LIMD1: variants seen among roughly 807,000 people sequenced by gnomAD.
The protein encoded by LIMD1 is LIM domain containing 1, also known as LIM domain-containing protein 1.
Under a neutral mutation model 58.4 loss-of-function variants are expected in LIMD1, and 23 were observed. The observed-to-expected ratio is 0.39, with a 90% CI of 0.28 to 0.56. The LOEUF (loss-of-function observed/expected upper bound fraction) is 0.56. Among genes scored for constraint, LIMD1 ranks in the 20% least tolerant of loss-of-function variants. The pLI is 0.57. For missense variants in LIMD1, 838 were observed against 855.5 expected (o/e 0.98, Z 0.25); for synonymous variants, 334 against 345.5 (o/e 0.97, Z 0.37).
At chr3:45,648,119 G>A (rs549648162) in intron 2 of LIMD1, among the ~76,000 whole-genome samples, 1 of 151,978 alleles carries the variant, frequency 6.6e-6, no homozygotes, top group Non-Finnish European at 1.5e-5. Flanking sequence ...TAGGGACAGG[G>A]TTTAACTGAT....
intron 2 of LIMD1, among the ~76,000 whole-genome samples, chr3:45,652,553 G>A (rs1701985280): frequency 6.6e-6 from 1 of 152,140 alleles, no homozygotes; most frequent in Non-Finnish European, 1.5e-5. Context: ...GCATTGTTCT[G>A]GGATGCTGTT....
intron 1 of LIMD1, among the ~76,000 whole-genome samples, chr3:45,614,028 C>T (rs1000996590): frequency 6.6e-6 from 1 of 152,144 alleles, no homozygotes; most frequent in Admixed American, 6.5e-5. Context: ...GCTTTCTAAG[C>T]CACCTGTTCT....
At chr3:45,645,852 C>T (rs1701899376) in intron 2 of LIMD1, among the ~76,000 whole-genome samples, 1 of 152,070 alleles carries the variant, frequency 6.6e-6, no homozygotes, top group African/African-American at 2.4e-5. Context: ...CCCTTCCCTC[C>T]TCTCTCCTCC....
At chr3:45,649,537 C>T (rs1008667139) in intron 2 of LIMD1, among the ~76,000 whole-genome samples, 11 of 150,936 alleles carry the variant, frequency 7.3e-5, no homozygotes, top group African/African-American at 2.4e-4. Flanking sequence ...AAAAATTAGC[C>T]GGGCATGGTG....
At chr3:45,663,139 C>G (rs1697465988) in intron 2 of LIMD1, among the ~76,000 whole-genome samples, 1 of 152,246 alleles carries the variant, frequency 6.6e-6, no homozygotes, top group Non-Finnish European at 1.5e-5. Context: ...CTAGCCCTTT[C>G]ATTTTGACTG....
At chr3:45,671,012 T>G (rs1697580357) in intron 4 of LIMD1, among the ~76,000 whole-genome samples, 2 of 152,338 alleles carry the variant, frequency 1.3e-5, no homozygotes, top group South Asian at 4.1e-4. Context: ...TAATCTTACT[T>G]TAGGCACAAT....
At position 45,636,137 on chromosome 3, in the gene LIMD1, C is replaced by G; in HGVS notation, c.1409-13C>G. ...TCCCTCCTGACTCACTGATGTTTCTCTTGTCCTGCAAGGAGCCTGTGTGAA... is the reference window on the plus strand; with the variant it reads ...TCCCTCCTGACTCACTGATGTTTCTGTTGTCCTGCAAGGAGCCTGTGTGAA... On this transcript the variant is annotated splice_polypyrimidine_tract_variant and intron_variant, in intron 1 of 7. Transcript: ENST00000273317. 6.2e-7 allele frequency: 1 copy of G among 1,612,040 alleles called. No homozygotes were observed.
rs117622255 is a variant in LIMD1, at chr3:45,607,287, A to G, written c.1408+11000A>G. On this transcript the variant is annotated intron_variant, in intron 1 of 7. Transcript: ENST00000273317. ...CCTTACAGGGAAACCAGCTGGACAC[A>G]GGGTCTCGGGGTCACACGGGAAGGC... 8.8e-4 allele frequency among the ~76,000 whole-genome samples: 133 copies of G among 151,966 alleles called. 5 individuals are homozygous for G. In the East Asian group the frequency reaches 0.025, roughly 29 times the overall value.
At chr3:45,665,518 A>T in intron 2 of LIMD1, 132 bp from the exon 3 acceptor site, 1 of 675,252 alleles carries the variant, frequency 1.5e-6, no homozygotes, top group Non-Finnish European at 2.6e-6. Flanking sequence ...TAGGAACTGG[A>T]AAGTGTCATT....
At chr3:45,607,953 C>T (rs1398869899) in intron 1 of LIMD1, among the ~76,000 whole-genome samples, 3 of 152,222 alleles carry the variant, frequency 2.0e-5, no homozygotes, top group Non-Finnish European at 2.9e-5. Context: ...TTTGCATCTG[C>T]CAAAATGTCG....
At chr3:45,670,943 A>C (rs1290972455) in intron 4 of LIMD1, among the ~76,000 whole-genome samples, 1 of 152,238 alleles carries the variant, frequency 6.6e-6, no homozygotes, top group Non-Finnish European at 1.5e-5. Flanking sequence ...AACCAGGCAT[A>C]GTCTCACATA....
At chr3:45,629,110 G>A (rs1335681754) in intron 1 of LIMD1, among the ~76,000 whole-genome samples, 4 of 152,092 alleles carry the variant, frequency 2.6e-5, no homozygotes, top group Non-Finnish European at 5.9e-5. Flanking sequence ...TTTCACAGGT[G>A]TATAGAAATG....
chr3:45,595,050 C>CCAGCAGCAG lies in LIMD1; in HGVS notation c.182_190dup (p.Gln61_Gln63dup), dbSNP rs746947273. On this transcript the variant is annotated inframe_insertion, in exon 1 of 8. Transcript: ENST00000273317. ...CCACCAAGATGGCCAAAATCCACCTCCAGCAGCAGCAGCAGCAGCTCCTGC... is the reference window on the plus strand; with the variant it reads ...CCACCAAGATGGCCAAAATCCACCTCCAGCAGCAGCAGCAGCAGCAGCAGCAGCTCCTGC... 5.0e-6 allele frequency: 8 copies of CCAGCAGCAG among 1,613,368 alleles called. No homozygotes were observed. The highest frequency in any genetic ancestry group is 1.3e-5 in the African/African-American group (1 of 74,874).
intron 1 of LIMD1, among the ~76,000 whole-genome samples, chr3:45,603,242 A>G (rs2125648369): frequency 6.6e-6 from 1 of 152,302 alleles, no homozygotes; most frequent in East Asian, 1.9e-4. Flanking sequence ...AGCATTTTTC[A>G]CATAAAAGGA....
Position 45,677,387 on chromosome 3 carries a change from A to G in LIMD1, c.*328A>G, listed in dbSNP as rs894122961. ...CCCCTCTGGGAACATTTCATGCTTC[A>G]GAGGGAGAGGTTTTTATTGAGCTTG... On this transcript the variant is annotated 3_prime_UTR_variant, in exon 8 of 8. Coordinates refer to ENST00000273317, the MANE Select transcript of LIMD1 (RefSeq NM_014240.3). The G allele has an allele frequency of 4.4e-6, 1 of 229,480 alleles. No individual in the cohort carries two copies. Among genetic ancestry groups the G allele is most frequent in the Non-Finnish European group, 8.7e-6 (1 of 114,978 alleles). The allele number at this position is 229,480 out of a possible 1,614,324, so 14.2% of individuals were successfully genotyped here.
At chr3:45,652,786 T>G (rs1188746766) in intron 2 of LIMD1, among the ~76,000 whole-genome samples, 3 of 152,238 alleles carry the variant, frequency 2.0e-5, no homozygotes, top group African/African-American at 4.8e-5. Context: ...AGCTGATCCA[T>G]GCTCTGCTGA....
chr3:45,669,688 T>A (rs1377832083), intron 4 of LIMD1, among the ~76,000 whole-genome samples: 1 of 152,234 alleles, frequency 6.6e-6, no homozygotes, highest in Non-Finnish European at 1.5e-5. Context: ...GTATAGACTC[T>A]TTCAGGTCTT....
intron 6 of LIMD1, 73 bp from the exon 7 acceptor site, chr3:45,674,270 C>G (rs1697635799): frequency 4.2e-6 from 5 of 1,187,954 alleles, no homozygotes; most frequent in Non-Finnish European, 3.8e-6. Context: ...CCCTCCCCAC[C>G]CCACGGTACA....
intron 1 of LIMD1, among the ~76,000 whole-genome samples, chr3:45,607,442 C>T (rs775037054): frequency 6.6e-6 from 1 of 152,078 alleles, no homozygotes; most frequent in East Asian, 1.9e-4. Context: ...GTGTGACTGT[C>T]GCTGTGTCCC....
Sources: allele counts gnomAD v4.1 joint callset (sites outside exome capture counted in the v4.1 genomes callset), GRCh38; gene constraint gnomAD v4.1.1; transcripts MANE v1.5; gene names NCBI Gene and HGNC (gene_info 2026-07-23, HGNC 2026-07-21).